Variants in DST observed in about 807,000 individuals in gnomAD.
DST encodes the protein bullous pemphigoid antigen.
A neutral mutation model predicts 875.2 loss-of-function variants in DST; 253 were observed. The ratio of observed to expected loss-of-function variants is 0.29; its 90% CI spans 0.26 to 0.32. DST has a LOEUF of 0.32. DST is among the 10% of genes least tolerant of loss of function. DST has a pLI of 1.00. For missense variants in DST, 8,287 were observed against 9,111.6 expected (o/e 0.91, Z 3.68); for synonymous variants, 3,124 against 3,197.1 (o/e 0.98, Z 0.77).
chr6:56,828,603 GGA>G (rs759318463), intron 4 of DST, among the ~76,000 whole-genome samples: 97 of 152,214 alleles, frequency 6.4e-4, no homozygotes, highest in Non-Finnish European at 1.2e-3. Flanking sequence ...AAGAAACAAA[GGA>G]GACTGAGCAA....
rs1039532774 is a variant in DST at position 56,469,867 on chromosome 6, T to C, written c.22551+16A>G. 3 of 1,605,488 alleles carry C rather than the reference T, an allele frequency of 1.9e-6. No individual in the cohort carries two copies. The highest frequency in any genetic ancestry group is 2.6e-6 in the Non-Finnish European group (3 of 1,172,466). ...ATGTCCTTTAAAGGAACTACAACATTACTTTGAAAACTTACCCTGTATTTA... is the reference window on the plus strand; with the variant it reads ...ATGTCCTTTAAAGGAACTACAACATCACTTTGAAAACTTACCCTGTATTTA... On this transcript the variant is annotated intron_variant, in intron 97 of 103. Coordinates refer to ENST00000680361, the MANE Select transcript of DST (RefSeq NM_001374736.1).
chr6:56,850,274 T>C (rs1268574603), intron 4 of DST, among the ~76,000 whole-genome samples: 1 of 152,090 alleles, frequency 6.6e-6, no homozygotes, highest in Admixed American at 6.5e-5. Flanking sequence ...TGTTTGTTTT[T>C]CCCGTAATCA....
chr6:56,673,011 T>C (rs1042712637), intron 9 of DST, among the ~76,000 whole-genome samples: 11 of 152,054 alleles, frequency 7.2e-5, no homozygotes, highest in Admixed American at 2.0e-4. Flanking sequence ...TCCCAGCACA[T>C]TGGGAGGCCA....
intron 73 of DST, among the ~76,000 whole-genome samples, chr6:56,510,440 T>G (rs2096451242): frequency 6.6e-6 from 1 of 152,216 alleles, no homozygotes; most frequent in South Asian, 2.1e-4. Context: ...CTCCCCAATG[T>G]TGTAACTTCT....
chr6:56,632,857 T>C lies in DST; in HGVS notation c.3802A>G (p.Arg1268Gly). 6.2e-7 allele frequency: 1 copy of C among 1,613,510 alleles called. No individual in the cohort carries two copies. Among genetic ancestry groups the C allele is most frequent in the Non-Finnish European group, 8.5e-7 (1 of 1,179,712 alleles). ...YYQELLKSAE[R>G]EEQEESVYNL... ...GACAGGGATCCCCATGCTTTACCTC[T>C]TTCTGCAGATTTAAGAAGTTCTTGA... Residue 1268 changes from arginine (R) to glycine (G), a missense_variant, in exon 28 of 104, where the codon AGA becomes GGA. Coordinates refer to ENST00000680361, the MANE Select transcript of DST (RefSeq NM_001374736.1).
At chr6:56,919,607 C>A (rs999508047) in intron 2 of DST, among the ~76,000 whole-genome samples, 7 of 152,102 alleles carry the variant, frequency 4.6e-5, no homozygotes, top group African/African-American at 1.7e-4. Context: ...CTATTGATTC[C>A]AAATGCCCAT....
intron 90 of DST, among the ~76,000 whole-genome samples, chr6:56,478,807 G>T (rs1022959056): frequency 2.0e-5 from 3 of 152,070 alleles, no homozygotes; most frequent in Non-Finnish European, 4.4e-5. Context: ...TGAAATATAG[G>T]TGTTTTACTA....
rs773757881 is a variant in DST at position 56,529,547 on chromosome 6, T to G, written c.17496A>C (p.Glu5832Asp). ...NAKIFGEDEV[E>D]LMNWLNEVHD... The stretch of plus-strand genomic sequence containing the variant: ...GCACTTCATTCAGCCAGTTCATCAG[T>G]TCAACTTCATCTTCCCCAAAAATCT... The change falls in exon 66 of 104, where the codon GAA becomes GAC. Residue 5832 changes from glutamate to aspartate, a missense_variant. Glu to Asp is a conservative substitution (Grantham distance 45). Transcript: ENST00000680361. 10 of 1,613,712 alleles carry G rather than the reference T, an allele frequency of 6.2e-6. No homozygotes were observed. In the Admixed American group the frequency reaches 1.7e-4, roughly 27 times the overall value.
intron 2 of DST, among the ~76,000 whole-genome samples, chr6:56,911,485 AAAG>A (rs951979785): frequency 6.6e-6 from 1 of 152,198 alleles, no homozygotes; most frequent in African/African-American, 2.4e-5. Flanking sequence ...GGCAAAAGGA[AAAG>A]AAGCAGCTAG....
rs771089350 is a variant in DST, at chr6:56,527,709, A to G, written c.17706T>C (p.Asp5902=). Residue 5902 remains aspartate, a synonymous_variant, in exon 68 of 104, where the codon GAT becomes GAC. Coordinates refer to ENST00000680361, the MANE Select transcript of DST (RefSeq NM_001374736.1). ...ACCTTGCTTTAATGGCTTCCAATTT[A>G]TCTTGAATTATTAAAACTTCATCAC... The part of the protein sequence containing the change: ...TTGDEVLIIQ[D]KLEAIKARYK... 1.5e-5 allele frequency: 24 copies of G among 1,603,164 alleles called. No individual in the cohort carries two copies. The highest frequency in any genetic ancestry group is 2.0e-5 in the Non-Finnish European group (24 of 1,175,566).
At chr6:56,885,557 G>A (rs1784347204) in intron 3 of DST, among the ~76,000 whole-genome samples, 1 of 152,138 alleles carries the variant, frequency 6.6e-6, no homozygotes, top group Admixed American at 6.5e-5. Context: ...CAATATGACA[G>A]TATTAAGAGG....
chr6:56,492,937 G>A lies in DST; in HGVS notation c.20547C>T (p.His6849=), dbSNP rs1248963607. 3.1e-6 allele frequency: 5 copies of A among 1,601,792 alleles called. No homozygotes were observed. The East Asian group carries it at 6.7e-5, about 22-fold the overall frequency. The stretch of plus-strand genomic sequence containing the variant: ...ATCTATTTGACTCACTACATACCTT[G>A]TGTTCGTCAATTTGAAATAAGACTG... The part of the protein sequence containing the change: ...LDTVLFQIDE[H]KVFANEVNSH... The change falls in exon 84 of 104, where the codon CAC becomes CAT. Residue 6849 remains histidine (H), a synonymous_variant. Coordinates refer to ENST00000680361, the MANE Select transcript of DST (RefSeq NM_001374736.1).
intron 2 of DST, among the ~76,000 whole-genome samples, chr6:56,943,837 C>A (rs1818002755): frequency 6.6e-6 from 1 of 151,986 alleles, no homozygotes; most frequent in African/African-American, 2.4e-5. Flanking sequence ...AAATACGGGG[C>A]CAGGCAGAGT....
intron 2 of DST, among the ~76,000 whole-genome samples, chr6:56,938,108 C>CTCTCTCTCTCTCTATATATATA (rs1383243392): frequency 1.2e-4 from 14 of 120,748 alleles, no homozygotes; most frequent in African/African-American, 4.9e-4. Context: ...CTCTCTCTCT[C>CTCTCTCTCTCTCTATATATATA]TATATATATA....
In DST at chr6:56,573,871, T is replaced by C. The variant is rs2097819083; in HGVS notation, c.13044A>G (p.Arg4348=). 1 of 1,612,414 alleles carries C rather than the reference T, an allele frequency of 6.2e-7. No homozygotes were observed. The highest frequency in any genetic ancestry group is 1.7e-5 in the Admixed American group (1 of 59,802). The change falls in exon 51 of 104, where the codon AGA becomes AGG. Residue 4348 remains arginine (R), a synonymous_variant. Coordinates refer to ENST00000680361, the MANE Select transcript of DST (RefSeq NM_001374736.1). The part of the protein sequence containing the change: ...IQKTLDDIVG[R]YEDLSKSVNE... ...TAACAGACTTGGACAGATCCTCATATCTCCCAACAATGTCATCTACTCCAA... is the reference window on the plus strand; with the variant it reads ...TAACAGACTTGGACAGATCCTCATACCTCCCAACAATGTCATCTACTCCAA...
intron 2 of DST, among the ~76,000 whole-genome samples, chr6:56,951,633 T>C (rs1317315018): frequency 6.6e-6 from 1 of 152,164 alleles, no homozygotes; most frequent in African/African-American, 2.4e-5. Flanking sequence ...ATGACATTCT[T>C]TTGCAACACA....
intron 3 of DST, among the ~76,000 whole-genome samples, chr6:56,853,921 A>C (rs189324381): frequency 8.6e-5 from 13 of 151,504 alleles, no homozygotes; most frequent in African/African-American, 3.1e-4. Flanking sequence ...TATGGACCCC[A>C]CACACACACA....
Position 56,499,378 on chromosome 6 carries a change from T to G in DST, c.19897-1325A>C, listed in dbSNP as rs540968148. Among the ~76,000 whole-genome samples, 4 of 152,262 alleles carry G rather than the reference T, an allele frequency of 2.6e-5. No homozygotes were observed. The East Asian group carries it at 7.7e-4, about 29-fold the overall frequency. ...AAAACCAACTGAGTAAGAAGTTATC[T>G]TTATAGAAAGCACTCACTTTGGTAT... On this transcript the variant is annotated intron_variant, in intron 80 of 103. Transcript: ENST00000680361.
At chr6:56,587,366 GA>G (rs1012976496) in intron 49 of DST, among the ~76,000 whole-genome samples, 1 of 152,150 alleles carries the variant, frequency 6.6e-6, no homozygotes, top group African/African-American at 2.4e-5. Context: ...AGAGAAAAAA[GA>G]ATAAAAAGAA....
Sources: allele counts gnomAD v4.1 joint callset (sites outside exome capture counted in the v4.1 genomes callset), GRCh38; gene constraint gnomAD v4.1.1; transcripts MANE v1.5; gene names NCBI Gene and HGNC (gene_info 2026-07-23, HGNC 2026-07-21).